CLASP1: variants seen among roughly 807,000 people sequenced by gnomAD.
The protein encoded by CLASP1 is CLIP-associating protein 1.
CLASP1 carries 38 observed loss-of-function variants against 192.3 expected under a neutral mutation model. The observed-to-expected ratio is 0.20, with a 90% CI of 0.15 to 0.26. The LOEUF (loss-of-function observed/expected upper bound fraction) is 0.26, where lower values mean the gene tolerates loss of function less well. Among genes scored for constraint, CLASP1 ranks in the 10% least tolerant of loss-of-function variants. CLASP1 has a pLI of 1.00. For missense variants in CLASP1, 1,433 were observed against 1,932.5 expected, an observed-to-expected ratio of 0.74 and a Z score of 4.85; for synonymous variants, 691 against 712.8, an observed-to-expected ratio of 0.97 and a Z score of 0.49.
At chr2:121,560,441 A>C (rs2058971692) in intron 2 of CLASP1, among the ~76,000 whole-genome samples, 1 of 152,232 alleles carries the variant, frequency 6.6e-6, no homozygotes, top group African/African-American at 2.4e-5. Context: ...GATACACATA[A>C]ATTCGAAATT....
At position 121,535,407 on chromosome 2, in the gene CLASP1, A is replaced by G. The variant is rs572944127; in HGVS notation, c.196-5082T>C. Among the ~76,000 whole-genome samples, 24 of 152,358 alleles carry G rather than the reference A, an allele frequency of 1.6e-4. No homozygotes were observed. The South Asian group carries it at 5.0e-3, about 32-fold the overall frequency. On this transcript the variant is annotated intron_variant, in intron 2 of 39. Coordinates refer to ENST00000263710, the Ensembl canonical transcript of CLASP1. ...GTTACATAGGTTAAACAAATAATAC[A>G]AGAGAAAATTAAATACTCAATGCAT...
chr2:121,537,619 G>C (rs1009612896), intron 2 of CLASP1, among the ~76,000 whole-genome samples: 15 of 152,158 alleles, frequency 9.9e-5, no homozygotes, highest in African/African-American at 3.6e-4. Flanking sequence ...CATCAGCAAA[G>C]TGAAGAAAGA....
chr2:121,510,322 G>GACAAACCTTAACTAGACTGACCAGAAGA (rs2094089360), intron 7 of CLASP1, among the ~76,000 whole-genome samples: 2 of 152,124 alleles, frequency 1.3e-5, no homozygotes, highest in Non-Finnish European at 2.9e-5. Flanking sequence ...GAAGAGCAAA[G>GACAAACCTTAACTAGACTGACCAGAAGA]GCTCAAATTA....
intron 1 of CLASP1, among the ~76,000 whole-genome samples, chr2:121,641,632 T>G (rs2072102672): frequency 6.6e-6 from 1 of 152,228 alleles, no homozygotes; most frequent in African/African-American, 2.4e-5. Context: ...TCATACAGTT[T>G]CATCATACTG....
At chr2:121,471,592 G>A (rs551297906) in intron 8 of CLASP1, among the ~76,000 whole-genome samples, 6 of 152,006 alleles carry the variant, frequency 3.9e-5, no homozygotes, top group Admixed American at 1.3e-4. Context: ...GCCAAGTCTT[G>A]TGTCTACTCA....
Position 121,541,085 on chromosome 2 carries a change from A to G in CLASP1, c.196-10760T>C, listed in dbSNP as rs573569370. The stretch of plus-strand genomic sequence containing the variant: ...GGGAGTGATGCTGACCACTAGACCT[A>G]TAAGTTTATAACAAGAAGCTTAGAC... On this transcript the variant is annotated intron_variant, in intron 2 of 39. Transcript: ENST00000263710. Among the ~76,000 whole-genome samples, 13 of 152,358 alleles carry G rather than the reference A, an allele frequency of 8.5e-5. No homozygotes were observed. In the South Asian group the frequency reaches 2.3e-3, roughly 27 times the overall value.
At position 121,349,000 on chromosome 2, in the gene CLASP1, G is replaced by C. The variant is rs189130972; in HGVS notation, c.4207-282C>G. ...TCACACCTGTAATCCCAGAACTTTG[G>C]GAGGCCGAGGTGGGCGGATCACGAG... On this transcript the variant is annotated intron_variant, in intron 37 of 39. Coordinates refer to ENST00000263710, the Ensembl canonical transcript of CLASP1. Among the ~76,000 whole-genome samples the C allele has an allele frequency of 8.9e-4, 135 of 152,220 alleles. 2 individuals are homozygous for C. The highest frequency in any genetic ancestry group is 3.0e-3 in the African/African-American group (126 of 41,532).
At chr2:121,481,257 A>C (rs946209493) in intron 8 of CLASP1, among the ~76,000 whole-genome samples, 19 of 152,230 alleles carry the variant, frequency 1.2e-4, no homozygotes, top group African/African-American at 4.6e-4. Flanking sequence ...GAAGTGAGGA[A>C]TTAGGAACAT....
intron 7 of CLASP1, among the ~76,000 whole-genome samples, chr2:121,506,166 A>T (rs2093942853): frequency 6.6e-6 from 1 of 152,210 alleles, no homozygotes; most frequent in Non-Finnish European, 1.5e-5. Context: ...CAAAGAAAAC[A>T]TTGGCAAAAA....
At chr2:121,581,257 G>GTTTTTTTTTTTTTTTTT (rs1429061024) in intron 2 of CLASP1, among the ~76,000 whole-genome samples, 2 of 91,686 alleles carry the variant, frequency 2.2e-5, no homozygotes, top group African/African-American at 1.2e-4. Context: ...AAGGCCTTTT[G>GTTTTTTTTTTTTTTTTT]TTCTTTTTTT....
chr2:121,387,197 G>C (rs749549765), exon 32 of CLASP1: 3 of 1,609,398 alleles, frequency 1.9e-6, no homozygotes, highest in Non-Finnish European at 2.5e-6. Context: ...GTGTCGGGAG[G>C]GCGTCCGGCC....
intron 26 of CLASP1, 117 bp downstream of exon 27, chr2:121,404,254 A>G (rs2149476103): frequency 2.0e-6 from 3 of 1,477,628 alleles, no homozygotes; most frequent in Admixed American, 2.5e-5. Context: ...AACCGGTGTG[A>G]CTCTGTAAGG....
Position 121,515,447 on chromosome 2 carries a change from C to T in CLASP1, c.644+218G>A, listed in dbSNP as rs570888926. ...AATCAGTATGTGGCATGGGACCTGG[C>T]CAGTTGTCTGAGTGAGAAACTCTCA... On this transcript the variant is annotated intron_variant, in intron 7 of 39. Coordinates refer to ENST00000263710, the Ensembl canonical transcript of CLASP1. Among the ~76,000 whole-genome samples, 39 of 152,194 alleles carry T rather than the reference C, an allele frequency of 2.6e-4. 1 individual carries two copies. The South Asian group carries it at 7.0e-3, about 27-fold the overall frequency.
chr2:121,592,275 A>G lies in CLASP1; in HGVS notation c.195+13426T>C, dbSNP rs983387616. ...ATTTTGCTATTACATGTCTTTTTGT[A>G]TTCCCTTCATAATATTTATGAAAAC... On this transcript the variant is annotated intron_variant, in intron 2 of 39. Coordinates refer to ENST00000263710, the Ensembl canonical transcript of CLASP1. 2.6e-5 allele frequency among the ~76,000 whole-genome samples: 4 copies of G among 152,278 alleles called. No individual in the cohort carries two copies. The East Asian group carries it at 7.7e-4, about 29-fold the overall frequency.
intron 19 of CLASP1, among the ~76,000 whole-genome samples, chr2:121,444,267 T>C (rs1388010800): frequency 6.6e-6 from 1 of 152,138 alleles, no homozygotes; most frequent in Non-Finnish European, 1.5e-5. Flanking sequence ...TCTTACAGCA[T>C]TACTATATCC....
intron 8 of CLASP1, among the ~76,000 whole-genome samples, chr2:121,483,554 GTA>G (rs71927588): frequency 0.021 from 3,225 of 151,132 alleles, 126 homozygotes; most frequent in African/African-American, 0.074. Flanking sequence ...ATATGTGTGT[GTA>G]TATATATGTA....
At chr2:121,507,838 A>G (rs2093990143) in intron 7 of CLASP1, among the ~76,000 whole-genome samples, 1 of 152,188 alleles carries the variant, frequency 6.6e-6, no homozygotes, top group South Asian at 2.1e-4. Context: ...CTCATGAGAA[A>G]CCATGAAAGC....
intron 1 of CLASP1, among the ~76,000 whole-genome samples, chr2:121,632,216 C>A (rs749979900): frequency 2.6e-5 from 4 of 152,084 alleles, no homozygotes; most frequent in Non-Finnish European, 5.9e-5. Flanking sequence ...TGTACTCTAG[C>A]CTGGGCGACA....
intron 7 of CLASP1, among the ~76,000 whole-genome samples, chr2:121,507,985 A>C (rs2093994887): frequency 6.6e-6 from 1 of 152,238 alleles, no homozygotes; most frequent in Non-Finnish European, 1.5e-5. Flanking sequence ...AGATAAATGA[A>C]AAACAACAGT....
Sources: allele counts gnomAD v4.1 joint callset (sites outside exome capture counted in the v4.1 genomes callset), GRCh38; gene constraint gnomAD v4.1.1; transcripts MANE v1.5; gene names NCBI Gene and HGNC (gene_info 2026-07-23, HGNC 2026-07-21).